Variants in DLG2 observed in about 807,000 individuals in gnomAD.
The protein encoded by DLG2 is disks large homolog 2.
DLG2 carries 45 observed loss-of-function variants against 132.5 expected under a neutral mutation model. That is an observed-to-expected ratio of 0.34 (90% confidence interval 0.27 to 0.44). The LOEUF (loss-of-function observed/expected upper bound fraction) is 0.44, where lower values mean the gene tolerates loss of function less well. Ranked by LOEUF, DLG2 falls within the 20% of genes least tolerant of loss-of-function variation. The pLI, the probability that DLG2 is intolerant of heterozygous loss-of-function variation, is 1.00. For missense variants in DLG2, 1,045 were observed against 1,196.9 expected (o/e 0.87, Z 1.87); for synonymous variants, 424 against 419.6 (o/e 1.01, Z -0.13).
chr11:84,092,505 T>G (rs2097107329), intron 10 of DLG2, among the ~76,000 whole-genome samples: 1 of 152,212 alleles, frequency 6.6e-6, no homozygotes, highest in South Asian at 2.1e-4. Context: ...ACCTTGGTCT[T>G]TGACTCCAAA....
At chr11:84,985,664 A>G (rs1308903220) in intron 6 of DLG2, among the ~76,000 whole-genome samples, 1 of 152,104 alleles carries the variant, frequency 6.6e-6, no homozygotes, top group African/African-American at 2.4e-5. Flanking sequence ...ACAAAATTAA[A>G]GCAAAAGATA....
chr11:83,556,251 T>C (rs2096515002), intron 19 of DLG2, among the ~76,000 whole-genome samples: 1 of 152,090 alleles, frequency 6.6e-6, no homozygotes, highest in South Asian at 2.1e-4. Context: ...CAATAGCACA[T>C]CCAGCGAAAC....
At chr11:85,064,997 A>T (rs2064693685) in intron 6 of DLG2, among the ~76,000 whole-genome samples, 1 of 151,610 alleles carries the variant, frequency 6.6e-6, no homozygotes, top group Non-Finnish European at 1.5e-5. Context: ...ACATAAAGAG[A>T]TAAGTAGTAT....
At chr11:85,178,717 T>C (rs1053181015) in intron 4 of DLG2, among the ~76,000 whole-genome samples, 2 of 151,812 alleles carry the variant, frequency 1.3e-5, no homozygotes, top group African/African-American at 4.8e-5. Flanking sequence ...GAATAAAAAA[T>C]AGTCATTGCA....
chr11:84,528,882 A>G (rs904685330), intron 7 of DLG2, among the ~76,000 whole-genome samples: 1 of 152,286 alleles, frequency 6.6e-6, no homozygotes, highest in Non-Finnish European at 1.5e-5. Context: ...TATTGCTATA[A>G]AAATGCTAGT....
Position 84,861,618 on chromosome 11 carries a change from C to CAAAAAAAAAAAAAAAAAAAAAAAAAAA in DLG2, c.357+250042_357+250043insTTTTTTTTTTTTTTTTTTTTTTTTTTT, listed in dbSNP as rs1177657034. 3.6e-4 allele frequency among the ~76,000 whole-genome samples: 13 copies of CAAAAAAAAAAAAAAAAAAAAAAAAAAA among 35,836 alleles called. 1 individual carries two copies. The highest frequency in any genetic ancestry group is 1.4e-3 in the African/African-American group (11 of 7,790). 23.5% of individuals were successfully genotyped at this position (35,836 alleles called of 152,430 possible). A position where few individuals can be genotyped will look rare whatever the true frequency, so the allele number is the denominator to read the frequency against. ...ATTAAACTAAAGAGCTTCTACACAG[C>CAAAAAAAAAAAAAAAAAAAAAAAAAAA]AAAAAAAAAAAAAAAAAAAAACAAA... is the stretch of plus-strand genomic sequence containing the variant. On this transcript the variant is annotated intron_variant, in intron 6 of 27. Coordinates refer to ENST00000376104, the MANE Select transcript of DLG2 (RefSeq NM_001142699.3).
intron 4 of DLG2, among the ~76,000 whole-genome samples, chr11:85,254,545 G>GA (rs2076566205): frequency 6.6e-6 from 1 of 151,820 alleles, no homozygotes; most frequent in Non-Finnish European, 1.5e-5. Flanking sequence ...TTGTTATTAA[G>GA]AAAAAATTAT....
At chr11:84,986,163 C>A (rs553631126) in intron 6 of DLG2, among the ~76,000 whole-genome samples, 5 of 151,956 alleles carry the variant, frequency 3.3e-5, no homozygotes, top group Non-Finnish European at 7.4e-5. Context: ...TCATTCAAGG[C>A]CCCTACGAAC....
At chr11:84,488,011 G>C (rs2099155332) in intron 7 of DLG2, among the ~76,000 whole-genome samples, 1 of 152,118 alleles carries the variant, frequency 6.6e-6, no homozygotes, top group Admixed American at 6.5e-5. Context: ...TTGAATGACA[G>C]AGTAAAAAAT....
At position 85,206,268 on chromosome 11, in the gene DLG2, G is replaced by A. The variant is rs553058574; in HGVS notation, c.187-51617C>T. ...CTTCCTGTACAGCATGTGGAACCAT[G>A]AGTCCATTAAACCTATTTTCTTTAT... is the stretch of plus-strand genomic sequence containing the variant. On this transcript the variant is annotated intron_variant, in intron 4 of 27. Transcript: ENST00000376104. Among the ~76,000 whole-genome samples the A allele has an allele frequency of 1.2e-4, 19 of 152,212 alleles. No homozygotes were observed. The South Asian group carries it at 3.5e-3, about 28-fold the overall frequency.
chr11:84,542,685 T>A (rs1217155284), intron 6 of DLG2, among the ~76,000 whole-genome samples: 2 of 151,818 alleles, frequency 1.3e-5, no homozygotes, highest in Non-Finnish European at 2.9e-5. Context: ...ATAACAGAAT[T>A]TCAAAGGGAT....
At chr11:83,747,275 T>TTTTCCTTCCTTC (rs2092975982) in intron 18 of DLG2, among the ~76,000 whole-genome samples, 1 of 121,582 alleles carries the variant, frequency 8.2e-6, no homozygotes, top group Non-Finnish European at 1.7e-5. Flanking sequence ...TGCTTTAAAA[T>TTTTCCTTCCTTC]CTTCCTTCCT....
chr11:85,546,703 A>C (rs760646645), intron 3 of DLG2, among the ~76,000 whole-genome samples: 11 of 151,232 alleles, frequency 7.3e-5, no homozygotes, highest in Admixed American at 5.9e-4. Context: ...TATTTAGGAT[A>C]GTTAGCTCTT....
intron 15 of DLG2, among the ~76,000 whole-genome samples, chr11:83,890,016 C>T (rs556097512): frequency 1.9e-3 from 282 of 151,532 alleles, no homozygotes; most frequent in South Asian, 9.4e-3. Context: ...TGCTAACTGA[C>T]GAGTTAATGT....
At chr11:84,994,723 G>A (rs1458178912) in intron 6 of DLG2, among the ~76,000 whole-genome samples, 1 of 152,160 alleles carries the variant, frequency 6.6e-6, no homozygotes, top group Non-Finnish European at 1.5e-5. Flanking sequence ...CACTCTAGGG[G>A]AGAGAGGAGA....
At chr11:85,563,958 G>A (rs1300055316) in intron 3 of DLG2, among the ~76,000 whole-genome samples, 3 of 151,988 alleles carry the variant, frequency 2.0e-5, no homozygotes, top group Non-Finnish European at 2.9e-5. Context: ...CCAACATTTC[G>A]TATAAGCTTT....
At chr11:85,456,951 T>G (rs945136843) in intron 3 of DLG2, among the ~76,000 whole-genome samples, 1 of 152,124 alleles carries the variant, frequency 6.6e-6, no homozygotes, top group African/African-American at 2.4e-5. Context: ...TTAGGCCCAT[T>G]TGGTTAAGTG....
chr11:84,422,304 C>T (rs1204298975), intron 7 of DLG2, among the ~76,000 whole-genome samples: 1 of 152,072 alleles, frequency 6.6e-6, no homozygotes, highest in Non-Finnish European at 1.5e-5. Context: ...AGAAAAAGAA[C>T]AATAGCAACA....
At chr11:83,505,109 T>C (rs956215014) in intron 21 of DLG2, among the ~76,000 whole-genome samples, 5 of 152,124 alleles carry the variant, frequency 3.3e-5, no homozygotes, top group East Asian at 1.9e-4. Flanking sequence ...GGCAGAAGCA[T>C]TGTGTGCAGG....
Sources: allele counts gnomAD v4.1 joint callset (sites outside exome capture counted in the v4.1 genomes callset), GRCh38; gene constraint gnomAD v4.1.1; transcripts MANE v1.5; gene names NCBI Gene and HGNC (gene_info 2026-07-23, HGNC 2026-07-21).